Variants in SLC4A10 observed in about 807,000 individuals in gnomAD.
SLC4A10 encodes sodium-driven chloride bicarbonate exchanger.
SLC4A10 carries 42 observed loss-of-function variants against 137.7 expected under a neutral mutation model. The observed-to-expected ratio is 0.30, with a 90% CI of 0.24 to 0.39. SLC4A10 has a LOEUF of 0.39. Among genes scored for constraint, SLC4A10 ranks in the 10% least tolerant of loss-of-function variants. The pLI is 1.00. For synonymous variants in SLC4A10, 474 were observed against 464.1 expected, an observed-to-expected ratio of 1.02 and a Z score of -0.27; for missense variants, 925 against 1,355.0, an observed-to-expected ratio of 0.68 and a Z score of 4.98.
intron 1 of SLC4A10, among the ~76,000 whole-genome samples, chr2:161,750,743 C>A (rs930527218): frequency 1.9e-4 from 29 of 151,630 alleles, no homozygotes; most frequent in African/African-American, 6.5e-4. Context: ...CTATTGAGTT[C>A]ATTTGGTCTG....
At chr2:161,903,677 T>C (rs1559499863) in intron 12 of SLC4A10, among the ~76,000 whole-genome samples, 1 of 152,026 alleles carries the variant, frequency 6.6e-6, no homozygotes, top group Non-Finnish European at 1.5e-5. Flanking sequence ...TTAGGAGGAG[T>C]AGGTTGACGT....
chr2:161,693,620 C>T (rs1325316888), intron 1 of SLC4A10, among the ~76,000 whole-genome samples: 1 of 150,880 alleles, frequency 6.6e-6, no homozygotes, highest in Non-Finnish European at 1.5e-5. Flanking sequence ...TTTCCCCACC[C>T]TTCAGCCTCT....
rs1700535318 is a variant in SLC4A10 at position 161,983,864 on chromosome 2, GT to G, written c.*713del. ...ATCAGACATAATGCAGAGTTAAGTA[GT>G]ATTTGCTTAAAATTCAAGTTGTGAC... On this transcript the variant is annotated 3_prime_UTR_variant, in exon 27 of 27. Transcript: ENST00000446997. 6.6e-6 allele frequency: 1 copy of G among 152,198 alleles called. No individual in the cohort carries two copies. The highest frequency in any genetic ancestry group is 1.5e-5 in the Non-Finnish European group (1 of 68,042). 9.4% of individuals were successfully genotyped at this position (152,198 alleles called of 1,614,324 possible). A position where few individuals can be genotyped will look rare whatever the true frequency, so the allele number is the denominator to read the frequency against.
At chr2:161,844,137 T>C (rs1296289680) in intron 4 of SLC4A10, among the ~76,000 whole-genome samples, 1 of 152,066 alleles carries the variant, frequency 6.6e-6, no homozygotes, top group Non-Finnish European at 1.5e-5. Context: ...TAGTTACCCT[T>C]TATAAAAGCT....
rs1217262573 is a variant in SLC4A10 at position 161,904,701 on chromosome 2, T to TTTAAATGTC, written c.1618-72_1618-64dup. On this transcript the variant is annotated intron_variant, in intron 13 of 26. Coordinates refer to ENST00000446997, the MANE Select transcript of SLC4A10 (RefSeq NM_001178015.2). ...AAGCACAAAGCACATATCCATGTAT[T>TTTAAATGTC]TTAAATGTCTTCTCCTTAGCTACAA... is the stretch of plus-strand genomic sequence containing the variant. 7.1e-5 allele frequency: 111 copies of TTTAAATGTC among 1,556,004 alleles called. 1 individual carries two copies. In the Middle Eastern group the frequency reaches 1.9e-3, roughly 26 times the overall value.
At chr2:161,663,240 C>T (rs557423398) in intron 1 of SLC4A10, among the ~76,000 whole-genome samples, 3 of 152,166 alleles carry the variant, frequency 2.0e-5, no homozygotes, top group African/African-American at 7.2e-5. Context: ...AGCCATTTAA[C>T]AAATCAATTT....
At chr2:161,659,993 T>C (rs565899797) in intron 1 of SLC4A10, among the ~76,000 whole-genome samples, 7 of 147,774 alleles carry the variant, frequency 4.7e-5, no homozygotes, top group African/African-American at 1.7e-4. Context: ...TTGCCTGGGG[T>C]GAAGAGGGGA....
At chr2:161,797,209 T>C in intron 2 of SLC4A10, among the ~76,000 whole-genome samples, 1 of 152,168 alleles carries the variant, frequency 6.6e-6, no homozygotes, top group African/African-American at 2.4e-5. Flanking sequence ...TTCCCTGCTC[T>C]AATATGAACT....
chr2:161,832,897 C>T (rs56223065), intron 3 of SLC4A10, among the ~76,000 whole-genome samples: 10,281 of 152,180 alleles, frequency 0.068, 450 homozygotes, highest in East Asian at 0.17. Context: ...CCTGCCACCA[C>T]GCCTGGCTAA....
At chr2:161,824,995 T>G (rs1200152876) in intron 3 of SLC4A10, among the ~76,000 whole-genome samples, 1 of 152,178 alleles carries the variant, frequency 6.6e-6, no homozygotes, top group Non-Finnish European at 1.5e-5. Context: ...CTTTATATAA[T>G]CCATTTTCAC....
intron 1 of SLC4A10, among the ~76,000 whole-genome samples, chr2:161,725,893 A>G (rs1258869761): frequency 6.6e-6 from 1 of 152,200 alleles, no homozygotes; most frequent in Non-Finnish European, 1.5e-5. Flanking sequence ...ATCCCTTAGA[A>G]TACTAAACCT....
chr2:161,971,174 T>C (rs1264337870), intron 23 of SLC4A10, among the ~76,000 whole-genome samples: 1 of 152,250 alleles, frequency 6.6e-6, no homozygotes, highest in African/African-American at 2.4e-5. Context: ...GGATTATTCT[T>C]CTTGTTAACT....
intron 1 of SLC4A10, among the ~76,000 whole-genome samples, chr2:161,690,274 T>C (rs1029716200): frequency 6.6e-6 from 1 of 152,070 alleles, no homozygotes; most frequent in African/African-American, 2.4e-5. Flanking sequence ...AGAATGGTGA[T>C]TATTAAAACG....
chr2:161,764,369 A>G (rs1395523568), intron 1 of SLC4A10, among the ~76,000 whole-genome samples: 2 of 152,122 alleles, frequency 1.3e-5, no homozygotes, highest in Non-Finnish European at 2.9e-5. Flanking sequence ...AAAATCAATG[A>G]AAGTGGAGGT....
At chr2:161,904,488 G>A (rs1683873367) in intron 13 of SLC4A10, among the ~76,000 whole-genome samples, 1 of 152,018 alleles carries the variant, frequency 6.6e-6, no homozygotes. Flanking sequence ...TATGTACCCG[G>A]GCCATGTTTC....
At chr2:161,716,156 TCCTTTG>T (rs954406192) in intron 1 of SLC4A10, among the ~76,000 whole-genome samples, 3 of 144,456 alleles carry the variant, frequency 2.1e-5, no homozygotes, top group African/African-American at 7.7e-5. Flanking sequence ...TCTGTTCATG[TCCTTTG>T]CCCACTTTTT....
intron 1 of SLC4A10, among the ~76,000 whole-genome samples, chr2:161,653,263 G>A (rs1249369392): frequency 1.3e-5 from 2 of 152,112 alleles, no homozygotes; most frequent in Admixed American, 6.5e-5. Context: ...ATGGGCATTT[G>A]GGTTGGTTCC....
chr2:161,836,515 AG>A lies in SLC4A10; in HGVS notation c.278-3273del, dbSNP rs1194711448. ...AAAGAAAAGGAAGAAAAAGAAAGAAAGAAAGAGAGAGAGAGAGAAAGAAAGA... is the reference window on the plus strand; with the variant it reads ...AAAGAAAAGGAAGAAAAAGAAAGAAAAAAGAGAGAGAGAGAGAAAGAAAGA... On this transcript the variant is annotated intron_variant, in intron 3 of 26. Transcript: ENST00000446997. 2.7e-3 allele frequency among the ~76,000 whole-genome samples: 340 copies of A among 127,148 alleles called. 18 individuals are homozygous for A. Among genetic ancestry groups the A allele is most frequent in the African/African-American group, 0.012 (325 of 27,884 alleles). 83.4% of individuals were successfully genotyped at this position (127,148 alleles called of 152,430 possible).
chr2:161,928,093 T>C (rs890970943), intron 15 of SLC4A10, among the ~76,000 whole-genome samples: 3 of 151,050 alleles, frequency 2.0e-5, no homozygotes, highest in African/African-American at 7.3e-5. Flanking sequence ...TGTGGCATTA[T>C]TCACAATAGC....
Sources: allele counts gnomAD v4.1 joint callset (sites outside exome capture counted in the v4.1 genomes callset), GRCh38; gene constraint gnomAD v4.1.1; transcripts MANE v1.5; gene names NCBI Gene and HGNC (gene_info 2026-07-23, HGNC 2026-07-21).